The following LRP4 variants were observed in gnomAD, a reference collection of about 807,000 sequenced individuals.
LRP4 encodes the protein LDL receptor related protein 4.
Under a neutral mutation model 220.3 loss-of-function variants are expected in LRP4, and 95 were observed. That is an observed-to-expected ratio of 0.43 (90% CI 0.37 to 0.51). The LOEUF (loss-of-function observed/expected upper bound fraction) is 0.51. Among genes scored for constraint, LRP4 ranks in the 20% least tolerant of loss-of-function variants. The probability of loss-of-function intolerance (pLI) is 0.00; values close to 1 mark genes in which losing one functional copy is unlikely to be tolerated. For synonymous variants in LRP4, 903 were observed against 954.6 expected, an observed-to-expected ratio of 0.95 and a Z score of 1.00; for missense variants, 1,925 against 2,567.0, an observed-to-expected ratio of 0.75 and a Z score of 5.40.
At chr11:46,882,044 T>C (rs1941175130) in intron 19 of LRP4, 141 bp from the exon 20 acceptor site, 6 of 772,634 alleles carry the variant, frequency 7.8e-6, no homozygotes, top group Non-Finnish European at 9.0e-6. Context: ...AGCCCAGCTC[T>C]GGGCTCAGCA....
intron 37 of LRP4, among the ~76,000 whole-genome samples, chr11:46,861,767 A>C (rs11039012): frequency 0.84 from 128,008 of 151,884 alleles, 55,024 homozygotes; most frequent in East Asian, 1. Flanking sequence ...AAGTTAAAAA[A>C]AAACAAACAA....
chr11:46,886,029 C>G (rs2134827416), intron 18 of LRP4, 62 bp downstream of exon 18: 1 of 1,403,054 alleles, frequency 7.1e-7, no homozygotes, highest in Non-Finnish European at 1.0e-6. Flanking sequence ...CTATCTGAGG[C>G]CAGGGTTTTA....
At chr11:46,863,555 T>C (rs918309156) in intron 36 of LRP4, among the ~76,000 whole-genome samples, 2 of 119,116 alleles carry the variant, frequency 1.7e-5, no homozygotes, top group African/African-American at 6.9e-5. Flanking sequence ...CTGACCAACA[T>C]GGAAGAAACC....
chr11:46,906,955 A>G (rs1395443480), intron 1 of LRP4, among the ~76,000 whole-genome samples: 1 of 152,230 alleles, frequency 6.6e-6, no homozygotes, highest in Non-Finnish European at 1.5e-5. Context: ...TACAGTAAAC[A>G]GACACATTAT....
intron 1 of LRP4, among the ~76,000 whole-genome samples, chr11:46,905,471 A>G (rs1716037679): frequency 6.6e-6 from 1 of 152,236 alleles, no homozygotes; most frequent in Non-Finnish European, 1.5e-5. Context: ...GACATTTAGC[A>G]ATGTTTGGAG....
Position 46,890,059 on chromosome 11 carries a change from G to A in LRP4, c.1977C>T (p.His659=). ...FEDSLYWTDW[H]TKSINSANKF... ...TGTTAGCGCTATTGATGCTCTTGGTGTGCCAGTCTGTCCAGTACAGGCTGT... is the reference window on the plus strand; with the variant it reads ...TGTTAGCGCTATTGATGCTCTTGGTATGCCAGTCTGTCCAGTACAGGCTGT... The change falls in exon 15 of 38, where the codon CAC becomes CAT. Residue 659 remains histidine, a synonymous_variant. Transcript: ENST00000378623. This position sits in a 1 kb window ranked among gnomAD's most constrained non-coding sequence, Gnocchi z 5.3. The A allele has an allele frequency of 6.2e-7, 1 of 1,614,134 alleles. No homozygotes were observed. Among genetic ancestry groups the A allele is most frequent in the Non-Finnish European group, 8.5e-7 (1 of 1,180,022 alleles).
chr11:46,861,761 TAAA>T (rs900088208), intron 37 of LRP4, among the ~76,000 whole-genome samples: 1 of 151,374 alleles, frequency 6.6e-6, no homozygotes, highest in African/African-American at 2.4e-5. Context: ...ACAAAGAAGT[TAAA>T]AAAAAACAAA....
At chr11:46,913,875 T>C (rs921577301) in intron 1 of LRP4, among the ~76,000 whole-genome samples, 20 of 152,164 alleles carry the variant, frequency 1.3e-4, no homozygotes, top group African/African-American at 4.8e-4. Context: ...GTGGGAACTA[T>C]GCTTCGGTTC....
intron 23 of LRP4, 56 bp downstream of exon 23, chr11:46,877,143 G>GT (rs1941041285): frequency 6.3e-7 from 1 of 1,596,082 alleles, no homozygotes; most frequent in African/African-American, 1.3e-5. Context: ...AGGAAAGACA[G>GT]TAATTGTTGA....
chr11:46,883,822 G>T, intron 19 of LRP4, 49 bp downstream of exon 19: 1 of 1,394,772 alleles, frequency 7.2e-7, no homozygotes, highest in East Asian at 2.3e-5. Flanking sequence ...CTGGAGCTCA[G>T]ATCTTGGGAG....
intron 8 of LRP4, 90 bp downstream of exon 8, chr11:46,896,779 C>T: frequency 6.3e-7 from 1 of 1,596,040 alleles, no homozygotes; most frequent in Non-Finnish European, 8.6e-7. Context: ...AAAACCTCAA[C>T]CCAACTGGAA....
At chr11:46,898,161 C>T (rs1941584152) in intron 7 of LRP4, among the ~76,000 whole-genome samples, 1 of 151,858 alleles carries the variant, frequency 6.6e-6, no homozygotes, top group Non-Finnish European at 1.5e-5. Context: ...CTCCTCACTT[C>T]CCAGTAGGGG....
intron 13 of LRP4, among the ~76,000 whole-genome samples, chr11:46,891,074 A>T (rs1941411607): frequency 1.3e-5 from 2 of 152,122 alleles, no homozygotes; most frequent in South Asian, 4.1e-4. Flanking sequence ...ATATTAGGAC[A>T]GGCACTTTCT....
At position 46,889,537 on chromosome 11, in the gene LRP4, C is replaced by T; in HGVS notation, c.2093-4G>A. 1.9e-6 allele frequency: 3 copies of T among 1,613,556 alleles called. No homozygotes were observed. The highest frequency in any genetic ancestry group is 2.5e-6 in the Non-Finnish European group (3 of 1,180,040). The stretch of plus-strand genomic sequence containing the variant: ...TTGTCCCCACAGCGGTTTTTCCCTG[C>T]TCAAAGAGCCCAGGGCAAGAGGATC... On this transcript the variant is annotated splice_polypyrimidine_tract_variant and splice_region_variant and intron_variant, in intron 15 of 37. Coordinates refer to ENST00000378623, the MANE Select transcript of LRP4 (RefSeq NM_002334.4).
At chr11:46,917,761 C>T (rs1419104521) in intron 1 of LRP4, among the ~76,000 whole-genome samples, 2 of 152,110 alleles carry the variant, frequency 1.3e-5, no homozygotes, top group Non-Finnish European at 2.9e-5. Context: ...AGATGCTGCC[C>T]GCAAACAGTG....
intron 32 of LRP4, 127 bp from the exon 33 acceptor site, chr11:46,868,840 C>CTTTT (rs1565778237): frequency 4.4e-5 from 56 of 1,275,998 alleles, no homozygotes; most frequent in Admixed American, 1.2e-4. Context: ...AGAGATACAA[C>CTTTT]CGCGAGGGAG....
At position 46,868,113 on chromosome 11, in the gene LRP4, C is replaced by G. The variant is rs1592515117; in HGVS notation, c.4953G>C (p.Val1651=). ...TAGGAGCTGGTGGTACCAGGCCAGG[C>G]ACTAGACAAAAAAGAGGATTGGAGT... ...DEPDSRPCSL[V]PGLVPPAPRA... is the part of the protein sequence containing the mutation. Residue 1651 remains valine (V), a splice_region_variant and synonymous_variant, in exon 34 of 38, where the codon GTG becomes GTC. Coordinates refer to ENST00000378623, the MANE Select transcript of LRP4 (RefSeq NM_002334.4). 6.2e-7 allele frequency: 1 copy of G among 1,613,994 alleles called. No individual in the cohort carries two copies. The highest frequency in any genetic ancestry group is 8.5e-7 in the Non-Finnish European group (1 of 1,180,012).
intron 1 of LRP4, among the ~76,000 whole-genome samples, chr11:46,917,869 C>G (rs1941972878): frequency 6.6e-6 from 1 of 152,182 alleles, no homozygotes; most frequent in African/African-American, 2.4e-5. Flanking sequence ...ACCGGGGCCT[C>G]TCTCCGCAAC....
intron 1 of LRP4, among the ~76,000 whole-genome samples, chr11:46,904,076 C>G (rs545936836): frequency 2.6e-4 from 39 of 152,334 alleles, no homozygotes; most frequent in Non-Finnish European, 4.1e-4. Flanking sequence ...ACTCTCCCCC[C>G]TCCCAGCATT....
Sources: gnomAD v4.1 joint callset for allele counts (sites outside exome capture counted in the v4.1 genomes callset) on GRCh38, gnomAD v4.1.1 for gene constraint, Gnocchi (gnomAD v3.1) non-coding constraint, MANE v1.5 for transcripts, NCBI Gene and HGNC (gene_info 2026-07-23, HGNC 2026-07-21) for gene names.